The following TENM3 variants were observed in gnomAD, a reference collection of about 807,000 sequenced individuals.
TENM3 encodes the protein teneurin-3.
A neutral mutation model predicts 255.1 loss-of-function variants in TENM3; 63 were observed. The observed-to-expected ratio is 0.25, with a 90% confidence interval of 0.20 to 0.30. TENM3 has a LOEUF of 0.30. Ranked by LOEUF, TENM3 falls within the 10% of genes least tolerant of loss-of-function variation. The pLI is 1.00. For missense variants in TENM3, 2,929 were observed against 3,461.1 expected (o/e 0.85, Z 3.86); for synonymous variants, 1,306 against 1,322.3 (o/e 0.99, Z 0.27).
At chr4:182,725,634 T>TC (rs1398940836) in intron 13 of TENM3, among the ~76,000 whole-genome samples, 4 of 13,292 alleles carry the variant, frequency 3.0e-4, no homozygotes, top group East Asian at 4.4e-3. Flanking sequence ...TTTCTTTTTT[T>TC]TCTTTTTTTT....
chr4:182,044,990 A>AGAG, the TENM3 span, among the ~76,000 whole-genome samples: 1 of 152,234 alleles, frequency 6.6e-6, no homozygotes, highest in Admixed American at 6.5e-5. Flanking sequence ...TGATGATTAC[A>AGAG]AGTATCTCTA....
At chr4:181,494,654 C>T in the TENM3 span, among the ~76,000 whole-genome samples, 1 of 152,116 alleles carries the variant, frequency 6.6e-6, no homozygotes, top group African/African-American at 2.4e-5. Flanking sequence ...AAATGTTTAC[C>T]TCCCTTTTCC....
Position 182,605,728 on chromosome 4 carries a change from A to C in TENM3, c.749+4567A>C, listed in dbSNP as rs55643802. 1.3e-5 allele frequency among the ~76,000 whole-genome samples: 2 copies of C among 152,186 alleles called. 1 individual carries two copies. The highest frequency in any genetic ancestry group is 1.3e-4 in the Admixed American group (2 of 15,272). ...CCTATTTCAAGCCCTGGCTAAAAAA[A>C]CCTTTGTCTCAGAGAGAGGAGGATA... On this transcript the variant is annotated intron_variant, in intron 4 of 27. Transcript: ENST00000511685.
chr4:181,913,779 T>C, the TENM3 span, among the ~76,000 whole-genome samples: 1 of 152,148 alleles, frequency 6.6e-6, no homozygotes, highest in Non-Finnish European at 1.5e-5. Flanking sequence ...TATTGGTTCT[T>C]TGAGGAGGAA....
the TENM3 span, among the ~76,000 whole-genome samples, chr4:182,053,969 C>A: frequency 6.6e-6 from 1 of 152,086 alleles, no homozygotes; most frequent in African/African-American, 2.4e-5. Flanking sequence ...CTCTTCCTCC[C>A]GAGTCTGTAG....
intron 6 of TENM3, among the ~76,000 whole-genome samples, chr4:182,667,745 T>C (rs1754824189): frequency 6.6e-6 from 1 of 151,204 alleles, no homozygotes; most frequent in African/African-American, 2.4e-5. Context: ...TGTAGAACAC[T>C]TGGACACAGG....
At chr4:181,738,779 T>C in the TENM3 span, among the ~76,000 whole-genome samples, 1 of 152,136 alleles carries the variant, frequency 6.6e-6, no homozygotes, top group Non-Finnish European at 1.5e-5. Context: ...ATATTTCCCT[T>C]GTAGAATCTG....
chr4:181,506,134 T>G, the TENM3 span, among the ~76,000 whole-genome samples: 1 of 152,114 alleles, frequency 6.6e-6, no homozygotes, highest in Non-Finnish European at 1.5e-5. Context: ...ACAAATATAC[T>G]CTGCAAATAA....
At chr4:182,438,241 T>C (rs1395539077) in intron 3 of TENM3, among the ~76,000 whole-genome samples, 1 of 152,214 alleles carries the variant, frequency 6.6e-6, no homozygotes, top group East Asian at 1.9e-4. Context: ...GTGTGCAAAC[T>C]ATTTAAGCTA....
At chr4:181,812,897 G>T in the TENM3 span, among the ~76,000 whole-genome samples, 1 of 152,128 alleles carries the variant, frequency 6.6e-6, no homozygotes, top group Admixed American at 6.5e-5. Flanking sequence ...CCCGGGGAAA[G>T]GAGAAACTGA....
the TENM3 span, among the ~76,000 whole-genome samples, chr4:181,605,183 C>T: frequency 5.9e-5 from 9 of 151,834 alleles, no homozygotes; most frequent in Non-Finnish European, 1.2e-4. Context: ...TGGTGGCTCA[C>T]GCCTCTAACT....
the TENM3 span, among the ~76,000 whole-genome samples, chr4:181,918,829 A>G: frequency 1.8e-3 from 271 of 152,306 alleles, 2 homozygotes; most frequent in African/African-American, 6.0e-3. Context: ...TTGATCAAAG[A>G]AAAAGTATCA....
chr4:181,872,082 G>A, the TENM3 span, among the ~76,000 whole-genome samples: 4 of 151,896 alleles, frequency 2.6e-5, no homozygotes, highest in African/African-American at 9.7e-5. Flanking sequence ...AAATGAGCTG[G>A]AAAGTATTTA....
chr4:182,351,574 CCTT>C (rs1432025086), intron 3 of TENM3, among the ~76,000 whole-genome samples: 2 of 152,176 alleles, frequency 1.3e-5, no homozygotes, highest in Non-Finnish European at 2.9e-5. Flanking sequence ...GAGTCTAGTT[CCTT>C]CTTCCAGCCT....
At chr4:182,317,362 C>A (rs768195320) in intron 1 of TENM3, among the ~76,000 whole-genome samples, 1 of 152,096 alleles carries the variant, frequency 6.6e-6, no homozygotes, top group Non-Finnish European at 1.5e-5. Context: ...TGCAGTGGCA[C>A]TGTCATGGCT....
intron 3 of TENM3, among the ~76,000 whole-genome samples, chr4:182,407,916 C>G (rs758830905): frequency 6.6e-6 from 1 of 152,128 alleles, no homozygotes; most frequent in Non-Finnish European, 1.5e-5. Flanking sequence ...TTGAAAATAC[C>G]TTTCAAAATT....
At chr4:181,834,279 C>G in the TENM3 span, among the ~76,000 whole-genome samples, 3 of 152,100 alleles carry the variant, frequency 2.0e-5, no homozygotes, top group Admixed American at 2.0e-4. Flanking sequence ...CATTTTGTGT[C>G]ATGTTTGTTT....
chr4:182,703,855 CA>C (rs1758073522), intron 12 of TENM3, among the ~76,000 whole-genome samples: 1 of 152,084 alleles, frequency 6.6e-6, no homozygotes, highest in Non-Finnish European at 1.5e-5. Flanking sequence ...CAATTACAGA[CA>C]AAAAATTCTA....
the TENM3 span, among the ~76,000 whole-genome samples, chr4:181,888,822 A>G: frequency 8.6e-5 from 13 of 151,478 alleles, no homozygotes; most frequent in African/African-American, 3.2e-4. Context: ...CAGGAGTGCC[A>G]ACGTCCAAGG....
Sources: gnomAD v4.1 joint callset for allele counts (sites outside exome capture counted in the v4.1 genomes callset) on GRCh38, gnomAD v4.1.1 for gene constraint, MANE v1.5 for transcripts, NCBI Gene and HGNC (gene_info 2026-07-23, HGNC 2026-07-21) for gene names.